ARHGAP24: variants seen among roughly 807,000 people sequenced by gnomAD.
The protein encoded by ARHGAP24 is Rho GTPase activating protein 24.
Under a neutral mutation model 76.4 loss-of-function variants are expected in ARHGAP24, and 50 were observed. That is an observed-to-expected ratio of 0.65 (90% CI 0.52 to 0.83). The LOEUF (loss-of-function observed/expected upper bound fraction) is 0.83. Among genes scored for constraint, ARHGAP24 ranks in the 40% least tolerant of loss-of-function variants. The pLI is 0.00. For synonymous variants in ARHGAP24, 345 were observed against 323.3 expected, an observed-to-expected ratio of 1.07 and a Z score of -0.72; for missense variants, 930 against 914.2, an observed-to-expected ratio of 1.02 and a Z score of -0.22.
intron 8 of ARHGAP24, among the ~76,000 whole-genome samples, chr4:85,987,837 G>A (rs1740094577): frequency 6.6e-6 from 1 of 151,774 alleles, no homozygotes; most frequent in Non-Finnish European, 1.5e-5. Flanking sequence ...GATCTCAGAA[G>A]CTCAGAATTA....
intron 2 of ARHGAP24, among the ~76,000 whole-genome samples, chr4:85,646,763 AT>A (rs2109976095): frequency 6.6e-6 from 1 of 152,250 alleles, no homozygotes; most frequent in Non-Finnish European, 1.5e-5. Flanking sequence ...TGATCTGGCC[AT>A]AGTGCTGTTC....
At chr4:85,905,128 G>T (rs1734701924) in intron 3 of ARHGAP24, among the ~76,000 whole-genome samples, 2 of 152,136 alleles carry the variant, frequency 1.3e-5, no homozygotes, top group Admixed American at 1.3e-4. Context: ...GAGCAGTCTG[G>T]ATATAGGGGT....
At chr4:85,775,344 C>T (rs538695900) in intron 3 of ARHGAP24, among the ~76,000 whole-genome samples, 1 of 152,182 alleles carries the variant, frequency 6.6e-6, no homozygotes, top group African/African-American at 2.4e-5. Context: ...CATTTTCATG[C>T]TGCTGATAAA....
Position 85,597,224 on chromosome 4 carries a change from A to G in ARHGAP24, c.180+26503A>G, listed in dbSNP as rs184880690. On this transcript the variant is annotated intron_variant, in intron 2 of 9. Coordinates refer to ENST00000395184, the MANE Select transcript of ARHGAP24 (RefSeq NM_001025616.3). Reference sequence around the variant, plus strand: ...TGTAAGGTTTGGTTTTATTGATATGAATTGGTTGTCAGGAACATAAAAGAT... The same window carrying G: ...TGTAAGGTTTGGTTTTATTGATATGGATTGGTTGTCAGGAACATAAAAGAT... Among the ~76,000 whole-genome samples the G allele has an allele frequency of 1.6e-4, 24 of 152,230 alleles. No homozygotes were observed. The East Asian group carries it at 2.3e-3, about 15-fold the overall frequency.
At chr4:85,925,106 G>T (rs1427167455) in intron 4 of ARHGAP24, among the ~76,000 whole-genome samples, 1 of 152,202 alleles carries the variant, frequency 6.6e-6, no homozygotes, top group African/African-American at 2.4e-5. Context: ...ATGCAGTAAG[G>T]AGTCCCCCTT....
rs182505678 is a variant in ARHGAP24, at chr4:85,848,307, A to G, written c.269-75341A>G. ...CATTAACTCGTCATTTACATTAGGT[A>G]TTTCTCCTAATGCTATCCCTCTCCC... On this transcript the variant is annotated intron_variant, in intron 3 of 9. Transcript: ENST00000395184. Among the ~76,000 whole-genome samples, 14 of 152,164 alleles carry G rather than the reference A, an allele frequency of 9.2e-5. No homozygotes were observed. The East Asian group carries it at 1.4e-3, about 15-fold the overall frequency.
In ARHGAP24 at chr4:85,495,402, G is replaced by A. The variant is rs1215385398; in HGVS notation, c.-21+19843G>A. Among the ~76,000 whole-genome samples, 3 of 133,126 alleles carry A rather than the reference G, an allele frequency of 2.3e-5. No individual in the cohort carries two copies. The East Asian group carries it at 7.6e-4, about 34-fold the overall frequency. The allele number at this position is 133,126 out of a possible 152,430, so 87.3% of individuals were successfully genotyped here. On this transcript the variant is annotated intron_variant, in intron 1 of 9. Coordinates refer to ENST00000395184, the MANE Select transcript of ARHGAP24 (RefSeq NM_001025616.3). The stretch of plus-strand genomic sequence containing the variant: ...GTCTCACTCTGTTGCCCAGGCTGGA[G>A]TGTAGTGGCGCGATCTCGGCTCACT...
intron 3 of ARHGAP24, among the ~76,000 whole-genome samples, chr4:85,879,822 C>G (rs1208108089): frequency 6.6e-6 from 1 of 151,994 alleles, no homozygotes; most frequent in African/African-American, 2.4e-5. Context: ...GGACCAGTGC[C>G]TTGAATGGAA....
At position 85,986,116 on chromosome 4, in the gene ARHGAP24, T is replaced by G. The variant is rs150412002; in HGVS notation, c.928+8425T>G. ...CATGGAGACTGCTTTATTTTTTAAA[T>G]ACTGTCTTTTAAAATTATCTTCTAC... On this transcript the variant is annotated intron_variant, in intron 8 of 9. Coordinates refer to ENST00000395184, the MANE Select transcript of ARHGAP24 (RefSeq NM_001025616.3). Among the ~76,000 whole-genome samples, 918 of 152,306 alleles carry G rather than the reference T, an allele frequency of 6.0e-3. 14 individuals carry two copies. The highest frequency in any genetic ancestry group is 0.021 in the African/African-American group (869 of 41,576).
intron 1 of ARHGAP24, among the ~76,000 whole-genome samples, chr4:85,550,770 T>C (rs539056809): frequency 6.6e-6 from 1 of 152,236 alleles, no homozygotes; most frequent in South Asian, 2.1e-4. Context: ...TTCACCTCCC[T>C]GGTTAGATGT....
chr4:85,656,571 G>T (rs1445630425), intron 2 of ARHGAP24, among the ~76,000 whole-genome samples: 1 of 152,028 alleles, frequency 6.6e-6, no homozygotes, highest in Non-Finnish European at 1.5e-5. Flanking sequence ...GAGTTCAAGC[G>T]ATTCTCCTGC....
intron 2 of ARHGAP24, among the ~76,000 whole-genome samples, chr4:85,655,800 G>T (rs1479356614): frequency 0.027 from 1,229 of 45,962 alleles, 17 homozygotes; most frequent in East Asian, 0.18. Context: ...TATAGAGAGA[G>T]AGAGAGAGAG....
chr4:85,632,234 C>T (rs546570087), intron 2 of ARHGAP24, among the ~76,000 whole-genome samples: 1 of 151,926 alleles, frequency 6.6e-6, no homozygotes, highest in East Asian at 1.9e-4. Context: ...AGCCTCAGAC[C>T]ATATAAAAAC....
intron 2 of ARHGAP24, among the ~76,000 whole-genome samples, chr4:85,712,048 A>C (rs1226903493): frequency 1.3e-5 from 2 of 152,118 alleles, no homozygotes; most frequent in Non-Finnish European, 2.9e-5. Context: ...ATTGCCATAG[A>C]CTTTGCTTCA....
intron 2 of ARHGAP24, among the ~76,000 whole-genome samples, chr4:85,633,158 T>G (rs1721211822): frequency 1.3e-5 from 2 of 151,906 alleles, no homozygotes. Flanking sequence ...TTCATCTGAA[T>G]GGCTATGTTT....
chr4:85,821,295 A>T (rs973162955), intron 3 of ARHGAP24, among the ~76,000 whole-genome samples: 4 of 152,194 alleles, frequency 2.6e-5, no homozygotes, highest in Non-Finnish European at 4.4e-5. Context: ...AACAGATATG[A>T]TCATTACGTT....
chr4:85,483,774 T>A lies in ARHGAP24; in HGVS notation c.-21+8215T>A, dbSNP rs191139645. On this transcript the variant is annotated intron_variant, in intron 1 of 9. Transcript: ENST00000395184. ...ATAACTGTCAAAAAATAAATATTTT[T>A]AAAAACCTTTAAGGGTGCAATTCTC... is the stretch of plus-strand genomic sequence containing the variant. Among the ~76,000 whole-genome samples the A allele has an allele frequency of 4.9e-3, 741 of 152,258 alleles. 5 individuals are homozygous for A. Among genetic ancestry groups the A allele is most frequent in the African/African-American group, 0.017 (700 of 41,536 alleles).
intron 1 of ARHGAP24, among the ~76,000 whole-genome samples, chr4:85,502,644 A>G (rs978703391): frequency 1.3e-5 from 2 of 152,208 alleles, no homozygotes; most frequent in South Asian, 2.1e-4. Flanking sequence ...TTTTCTAAAC[A>G]TAGAATCATG....
chr4:85,851,350 A>G (rs1027148600), intron 3 of ARHGAP24, among the ~76,000 whole-genome samples: 1 of 152,174 alleles, frequency 6.6e-6, no homozygotes, highest in Admixed American at 6.6e-5. Flanking sequence ...GTGTCTGCAC[A>G]TGAGATGGGT....
Sources: gnomAD v4.1 joint callset for allele counts (sites outside exome capture counted in the v4.1 genomes callset) on GRCh38, gnomAD v4.1.1 for gene constraint, MANE v1.5 for transcripts, NCBI Gene and HGNC (gene_info 2026-07-23, HGNC 2026-07-21) for gene names.